NEB: variants seen among roughly 807,000 people sequenced by gnomAD.
NEB encodes the protein nemaline myopathy type 2.
In NEB, 512 loss-of-function variants were observed where a neutral mutation model predicts 952.2. The observed-to-expected ratio is 0.54, with a 90% CI of 0.50 to 0.58. NEB has a LOEUF of 0.58. Among genes scored for constraint, NEB ranks in the 20% least tolerant of loss-of-function variants. The pLI, the probability that NEB is intolerant of heterozygous loss-of-function variation, is 0.00. For missense variants in NEB, 8,428 were observed against 9,231.1 expected, an observed-to-expected ratio of 0.91 and a Z score of 3.56; for synonymous variants, 2,900 against 3,149.8, an observed-to-expected ratio of 0.92 and a Z score of 2.66.
intron 78 of NEB, 76 bp downstream of exon 78, chr2:151,612,110 T>C: frequency 6.8e-7 from 1 of 1,470,890 alleles, no homozygotes; most frequent in Non-Finnish European, 9.4e-7. Context: ...CAGGGAATCC[T>C]TAGGGAATTT....
intron 52 of NEB, among the ~76,000 whole-genome samples, chr2:151,652,383 G>A (rs1473012943): frequency 1.3e-5 from 2 of 151,904 alleles, no homozygotes; most frequent in Non-Finnish European, 2.9e-5. Flanking sequence ...ACACCACCAT[G>A]CCCAGCTAAT....
In NEB at chr2:151,545,961, C is replaced by T. The variant is rs201001168; in HGVS notation, c.20504G>A (p.Arg6835Gln). The change falls in exon 135 of 182, where the codon CGA (arginine) becomes CAA (glutamine). Residue 6835 changes from arginine (R) to glutamine (Q), a missense_variant. By Grantham distance (43) the Arg-to-Gln change is conservative. Transcript: ENST00000397345. ...YLYTDKARKM[R>Q]DKYKVVLDTP... The stretch of plus-strand genomic sequence containing the variant: ...GTCAAGCACCACTTTGTATTTGTCT[C>T]GCATCTTCCTTGCCTTATCAGTGTA... The T allele has an allele frequency of 1.2e-5, 19 of 1,602,772 alleles. No homozygotes were observed. The highest frequency in any genetic ancestry group is 4.5e-5 in the East Asian group (2 of 44,652).
chr2:151,679,682 A>AC, intron 32 of NEB, 39 bp downstream of exon 32: 1 of 458,242 alleles, frequency 2.2e-6, no homozygotes. Context: ...ACCCACCCAC[A>AC]TTTTCTAGTT....
At position 151,650,769 on chromosome 2, in the gene NEB, T is replaced by G. The variant is rs1318363667; in HGVS notation, c.7032A>C (p.Arg2344Ser). ...ACTTCTCAAAGTCCTTCTTGTATTC[T>G]CTTTCACTCTGCATTTTGGCTACAT... ...SMNVAKMQSE[R>S]EYKKDFEKWK... Residue 2344 changes from arginine to serine, a missense_variant, in exon 53 of 182, where the codon AGA (arginine) becomes AGC (serine). Arg to Ser is a moderately radical substitution (Grantham distance 110, BLOSUM62 -1). Transcript: ENST00000397345. The G allele has an allele frequency of 3.7e-6, 6 of 1,613,854 alleles. No homozygotes were observed. Among genetic ancestry groups the G allele is most frequent in the Non-Finnish European group, 4.2e-6 (5 of 1,179,872 alleles).
At chr2:151,697,107 A>G (rs990160751) in intron 16 of NEB, 41 bp downstream of exon 16, 2 of 1,452,486 alleles carry the variant, frequency 1.4e-6, no homozygotes, top group Admixed American at 1.8e-5. Flanking sequence ...ACTAGATGCT[A>G]TGGAAGGCAG....
chr2:151,694,999 A>T (rs775826730), intron 18 of NEB, among the ~76,000 whole-genome samples: 2 of 152,214 alleles, frequency 1.3e-5, no homozygotes, highest in Non-Finnish European at 2.9e-5. Flanking sequence ...AGGTTATTTC[A>T]TAAATCATTA....
chr2:151,571,396 G>C (rs1220552788), intron 107 of NEB, among the ~76,000 whole-genome samples: 2 of 152,216 alleles, frequency 1.3e-5, no homozygotes, highest in Non-Finnish European at 2.9e-5. Context: ...TTGTTTTCTT[G>C]TGTTGGTGTA....
intron 135 of NEB, among the ~76,000 whole-genome samples, chr2:151,543,410 A>G (rs751546666): frequency 2.0e-5 from 3 of 152,222 alleles, no homozygotes; most frequent in Non-Finnish European, 4.4e-5. Context: ...GTTACTATTG[A>G]AAGAGATAAA....
chr2:151,624,632 T>A (rs1239023939), intron 71 of NEB, among the ~76,000 whole-genome samples: 1 of 152,152 alleles, frequency 6.6e-6, no homozygotes, highest in Non-Finnish European at 1.5e-5. Flanking sequence ...CAAAAGTAAT[T>A]ATTATGGGTA....
chr2:151,567,605 CTG>C, intron 113 of NEB, 126 bp from the exon 114 acceptor site: 1 of 696,010 alleles, frequency 1.4e-6, no homozygotes, highest in African/African-American at 1.8e-5. Context: ...ACCCCCAACT[CTG>C]AGAGCAAATA....
chr2:151,623,342 G>A (rs1321845637), intron 71 of NEB, among the ~76,000 whole-genome samples: 1 of 152,032 alleles, frequency 6.6e-6, no homozygotes, highest in African/African-American at 2.4e-5. Flanking sequence ...GTTCTATAAA[G>A]CTTTATCATC....
Position 151,663,835 on chromosome 2 carries a change from G to C in NEB, c.5476C>G (p.Gln1826Glu). 6.2e-7 allele frequency: 1 copy of C among 1,613,650 alleles called. No individual in the cohort carries two copies. The highest frequency in any genetic ancestry group is 2.2e-5 in the East Asian group (1 of 44,888). ...AAGCCAATGTGTTTCCCTTTGGCTTGTTCATAGGCTTTCTTGTATTTGTAC... is the reference window on the plus strand; with the variant it reads ...AAGCCAATGTGTTTCCCTTTGGCTTCTTCATAGGCTTTCTTGTATTTGTAC... ...SDYKYKKAYEQAKGKHIGFRS... is the reference protein window; with the variant it reads ...SDYKYKKAYEEAKGKHIGFRS... The change falls in exon 45 of 182, where the codon CAA becomes GAA. Residue 1826 changes from glutamine to glutamate, a missense_variant. Physicochemically the swap from Gln to Glu is conservative, Grantham distance 29. Transcript: ENST00000397345.
At chr2:151,578,677 GGGAAGGAA>G (rs371963286) in intron 105 of NEB, among the ~76,000 whole-genome samples, 1 of 147,780 alleles carries the variant, frequency 6.8e-6, no homozygotes, top group Non-Finnish European at 1.5e-5. Flanking sequence ...GAGGGAAGGA[GGGAAGGAA>G]GGAAGGAAGG....
Position 151,571,027 on chromosome 2 carries a change from C to T in NEB, c.17014-426G>A, listed in dbSNP as rs151065661. ...ATACTCTTTTTCTTTTTTTTTGAGA[C>T]GGAGTTTCGCTCTTGTTGCCCAGGC... On this transcript the variant is annotated intron_variant, in intron 107 of 181. Coordinates refer to ENST00000397345, the MANE Select transcript of NEB (RefSeq NM_001164508.2). Among the ~76,000 whole-genome samples the T allele has an allele frequency of 1.0e-3, 156 of 151,668 alleles. 1 individual carries two copies. The highest frequency in any genetic ancestry group is 3.4e-3 in the Middle Eastern group (1 of 292).
intron 46 of NEB, among the ~76,000 whole-genome samples, chr2:151,659,424 CT>C (rs1414959937): frequency 6.6e-6 from 1 of 152,110 alleles, no homozygotes; most frequent in Non-Finnish European, 1.5e-5. Context: ...CCTCAGCCTC[CT>C]GAGTAGCTGG....
At chr2:151,676,959 C>T (rs911610462) in intron 34 of NEB, among the ~76,000 whole-genome samples, 2 of 152,182 alleles carry the variant, frequency 1.3e-5, no homozygotes, top group East Asian at 3.8e-4. Flanking sequence ...CGAGTGAATG[C>T]TTTTGATCTT....
At position 151,619,535 on chromosome 2, in the gene NEB, A is replaced by G. The variant is rs891261577; in HGVS notation, c.10788T>C (p.Tyr3596=). Residue 3596 remains tyrosine, a synonymous_variant, in exon 73 of 182, where the codon TAT becomes TAC. Coordinates refer to ENST00000397345, the MANE Select transcript of NEB (RefSeq NM_001164508.2). ...KCQTLVSDVD[Y]KHPLHEWICL... ...AGATCCATTCATGCAGAGGATGTTT[A>G]TAGTCCACATCGCTGACCAAGGTCT... The G allele has an allele frequency of 1.3e-5, 21 of 1,613,834 alleles. No homozygotes were observed. Among genetic ancestry groups the G allele is most frequent in the Non-Finnish European group, 1.7e-5 (20 of 1,179,872 alleles).
intron 46 of NEB, among the ~76,000 whole-genome samples, chr2:151,659,569 A>T (rs1575412619): frequency 1.3e-5 from 2 of 152,132 alleles, no homozygotes; most frequent in South Asian, 2.1e-4. Context: ...CCAAAGTGCT[A>T]GTATTACAGG....
intron 13 of NEB, among the ~76,000 whole-genome samples, chr2:151,702,848 G>A (rs544799431): frequency 6.6e-6 from 1 of 152,076 alleles, no homozygotes; most frequent in African/African-American, 2.4e-5. Flanking sequence ...CTTTTAATTG[G>A]AGCATTAAGT....
Sources: allele counts gnomAD v4.1 joint callset (sites outside exome capture counted in the v4.1 genomes callset), GRCh38; gene constraint gnomAD v4.1.1; transcripts MANE v1.5; gene names NCBI Gene and HGNC (gene_info 2026-07-23, HGNC 2026-07-21).